The following TPO variants were observed in gnomAD, a reference collection of about 807,000 sequenced individuals.
The protein encoded by TPO is thyroid microsomal antigen.
In TPO, 78 loss-of-function variants were observed where a neutral mutation model predicts 96.9. That is an observed-to-expected ratio of 0.81 (90% CI 0.67 to 0.97). TPO has a LOEUF of 0.97. Among genes scored for constraint, TPO ranks in the 50% least tolerant of loss-of-function variants. The pLI is 0.00. For missense variants in TPO, 1,252 were observed against 1,274.8 expected, an observed-to-expected ratio of 0.98 and a Z score of 0.27; for synonymous variants, 547 against 538.0, an observed-to-expected ratio of 1.02 and a Z score of -0.23.
chr2:1,422,024 C>T (rs1352335467), intron 2 of TPO, among the ~76,000 whole-genome samples: 1 of 152,190 alleles, frequency 6.6e-6, no homozygotes, highest in African/African-American at 2.4e-5. Context: ...GAGCCCCACA[C>T]CGGGGGGCTC....
At chr2:1,386,144 A>G (rs886543287) in intron 1 of TPO, among the ~76,000 whole-genome samples, 3 of 152,134 alleles carry the variant, frequency 2.0e-5, no homozygotes, top group African/African-American at 7.2e-5. Context: ...TATGTGGTCA[A>G]TTTTGGAATA....
chr2:1,446,464 C>A (rs552092727), intron 5 of TPO, among the ~76,000 whole-genome samples: 1 of 152,182 alleles, frequency 6.6e-6, no homozygotes, highest in African/African-American at 2.4e-5. Context: ...CACCAATCCC[C>A]GTCACTGTGA....
chr2:1,433,935 C>G (rs996272600), intron 4 of TPO, among the ~76,000 whole-genome samples: 1 of 152,138 alleles, frequency 6.6e-6, no homozygotes, highest in South Asian at 2.1e-4. Flanking sequence ...TAAAACTTGG[C>G]AAGCTCATTC....
intron 15 of TPO, among the ~76,000 whole-genome samples, chr2:1,522,691 G>A (rs1407529512): frequency 6.6e-6 from 1 of 152,020 alleles, no homozygotes; most frequent in Non-Finnish European, 1.5e-5. Context: ...CATCGCAAAG[G>A]CTACACCCAA....
intron 7 of TPO, among the ~76,000 whole-genome samples, chr2:1,476,866 G>C (rs1006149578): frequency 6.6e-5 from 10 of 151,130 alleles, no homozygotes; most frequent in East Asian, 5.9e-4. Context: ...GGAGGTGGGG[G>C]GCTGGCTGGA....
intron 16 of TPO, 90 bp from the exon 17 acceptor site, chr2:1,542,331 T>C (rs2125363859): frequency 6.5e-7 from 1 of 1,547,004 alleles, no homozygotes. Flanking sequence ...AGAGCTCCTG[T>C]CCAGGCCCTT....
chr2:1,444,343 A>G (rs1666539680), intron 5 of TPO, among the ~76,000 whole-genome samples: 1 of 149,656 alleles, frequency 6.7e-6, no homozygotes, highest in Non-Finnish European at 1.5e-5. Context: ...TCACTGCTGC[A>G]GGAGGCACCG....
At chr2:1,489,580 G>C (rs1221849955) in intron 10 of TPO, among the ~76,000 whole-genome samples, 1 of 152,226 alleles carries the variant, frequency 6.6e-6, no homozygotes, top group Non-Finnish European at 1.5e-5. Context: ...GAAGGGCTGT[G>C]TTTCAGGGCT....
At chr2:1,446,066 G>A (rs1368215367) in intron 5 of TPO, among the ~76,000 whole-genome samples, 1 of 152,176 alleles carries the variant, frequency 6.6e-6, no homozygotes, top group African/African-American at 2.4e-5. Flanking sequence ...GCTTGGGGGT[G>A]AATCTGGAGG....
In TPO at chr2:1,534,663, AC is replaced by A. The variant is rs536160810; in HGVS notation, c.2619-5923del. ...CCCACTCTGTGCAATGTCCCCAAAT[AC>A]CCCCCCCACTCTGTGCAACTTCCAA... On this transcript the variant is annotated intron_variant, in intron 15 of 16. Coordinates refer to ENST00000329066, the MANE Select transcript of TPO (RefSeq NM_001206744.2). Among the ~76,000 whole-genome samples, 13 of 6,312 alleles carry A rather than the reference AC, an allele frequency of 2.1e-3. No homozygotes were observed. In the South Asian group the frequency reaches 0.021, roughly 10 times the overall value. The allele number at this position is 6,312 out of a possible 152,430, so 4.1% of individuals were successfully genotyped here. A position where few individuals can be genotyped will look rare whatever the true frequency, so the allele number is the denominator to read the frequency against.
intron 14 of TPO, among the ~76,000 whole-genome samples, chr2:1,515,785 A>G (rs1204079008): frequency 6.6e-6 from 1 of 151,430 alleles, no homozygotes; most frequent in African/African-American, 2.4e-5. Context: ...CAAACCAAGC[A>G]CCCATTCCCC....
rs573999265 is a variant in TPO at position 1,487,208 on chromosome 2, C to CTTT, written c.1598-607_1598-605dup. On this transcript the variant is annotated intron_variant, in intron 9 of 16. Transcript: ENST00000329066. ...GGATGTTAGAATTCAGCAAACGCTT[C>CTTT]TTTTTTTTGTAATCTTTCTGTTGCT... Among the ~76,000 whole-genome samples the CTTT allele has an allele frequency of 1.1e-3, 174 of 151,568 alleles. 1 individual carries two copies. Among genetic ancestry groups the CTTT allele is most frequent in the South Asian group, 4.2e-4 (2 of 4,812 alleles).
At chr2:1,390,034 T>TA (rs1661976226) in intron 1 of TPO, among the ~76,000 whole-genome samples, 1 of 149,352 alleles carries the variant, frequency 6.7e-6, no homozygotes, top group African/African-American at 2.5e-5. Context: ...TTTTTTTTTT[T>TA]AATACTTTAA....
chr2:1,498,429 C>T (rs1007120007), intron 13 of TPO, among the ~76,000 whole-genome samples: 1 of 152,254 alleles, frequency 6.6e-6, no homozygotes, highest in Admixed American at 6.5e-5. Context: ...AACTTTCAAA[C>T]TCACTAACGG....
chr2:1,380,932 G>A (rs981458794), intron 1 of TPO, among the ~76,000 whole-genome samples: 1 of 152,146 alleles, frequency 6.6e-6, no homozygotes, highest in Admixed American at 6.5e-5. Context: ...ACATGGTGGG[G>A]GCAGGAGCAA....
intron 15 of TPO, among the ~76,000 whole-genome samples, chr2:1,523,643 AC>A (rs1254028132): frequency 6.3e-5 from 1 of 15,786 alleles, no homozygotes; most frequent in African/African-American, 2.7e-4. Context: ...TCCTCAAATC[AC>A]CCCCCACTGT....
chr2:1,446,495 C>T (rs753228573), intron 5 of TPO, among the ~76,000 whole-genome samples: 4 of 152,302 alleles, frequency 2.6e-5, no homozygotes, highest in African/African-American at 7.2e-5. Context: ...TTTGGCCCTT[C>T]TTGAGGGGAG....
At chr2:1,512,913 A>G (rs902902982) in intron 14 of TPO, among the ~76,000 whole-genome samples, 4 of 152,180 alleles carry the variant, frequency 2.6e-5, no homozygotes, top group Non-Finnish European at 5.9e-5. Context: ...AAAAATGACC[A>G]TGGAAAATTA....
At chr2:1,525,415 C>T (rs1484815176) in intron 15 of TPO, among the ~76,000 whole-genome samples, 15 of 127,278 alleles carry the variant, frequency 1.2e-4, no homozygotes, top group Non-Finnish European at 2.5e-4. Context: ...TCCTCAAATC[C>T]CCCCACTGTG....
Sources: gnomAD v4.1 joint callset for allele counts (sites outside exome capture counted in the v4.1 genomes callset) on GRCh38, gnomAD v4.1.1 for gene constraint, MANE v1.5 for transcripts, NCBI Gene and HGNC (gene_info 2026-07-23, HGNC 2026-07-21) for gene names.